MMP19: variants seen among roughly 807,000 people sequenced by gnomAD.
MMP19 encodes matrix metalloproteinase-19.
Under a neutral mutation model 46.6 loss-of-function variants are expected in MMP19, and 47 were observed. The observed-to-expected ratio is 1.01, with a 90% confidence interval of 0.80 to 1.29. The LOEUF is 1.29. Among genes scored for constraint, MMP19 ranks in the 50% most tolerant of loss-of-function variants. The pLI, the probability that MMP19 is intolerant of heterozygous loss-of-function variation, is 0.00. For synonymous variants in MMP19, 222 were observed against 248.5 expected (o/e 0.89, Z 1.00); for missense variants, 589 against 643.5 (o/e 0.92, Z 0.92).
intron 8 of MMP19, 54 bp downstream of exon 8, chr12:55,837,501 T>C: frequency 6.2e-7 from 1 of 1,611,466 alleles, no homozygotes; most frequent in African/African-American, 1.3e-5. Context: ...CTTCTCAGTA[T>C]AAGGTAGCCC....
intron 5 of MMP19, among the ~76,000 whole-genome samples, chr12:55,839,184 G>A (rs977979997): frequency 6.7e-6 from 1 of 149,454 alleles, no homozygotes; most frequent in Non-Finnish European, 1.5e-5. Flanking sequence ...GGAGGTTGCA[G>A]TGAGCCAAGA....
chr12:55,839,376 C>A, intron 5 of MMP19, 120 bp downstream of exon 5: 1 of 1,270,722 alleles, frequency 7.9e-7, no homozygotes, highest in Non-Finnish European at 1.1e-6. Context: ...GCCTGAGTAA[C>A]TGGGCTGGAG....
Position 55,836,787 on chromosome 12 carries a change from AAGTT to A in MMP19, c.*245_*248del. On this transcript the variant is annotated 3_prime_UTR_variant, in exon 9 of 9. Coordinates refer to ENST00000322569, the MANE Select transcript of MMP19 (RefSeq NM_002429.6). Reference sequence around the variant, plus strand: ...GGAAATGGAGTTGGGGGCCAAATCTAAGTTAGGGGATCTGAGTTAGGGGAGCACT... The same window carrying A: ...GGAAATGGAGTTGGGGGCCAAATCTAAGGGGATCTGAGTTAGGGGAGCACT... The A allele has an allele frequency of 2.9e-6, 1 of 346,890 alleles. No individual in the cohort carries two copies. The highest frequency in any genetic ancestry group is 6.7e-5 in the South Asian group (1 of 14,996). The allele number at this position is 346,890 out of a possible 1,614,324, so 21.5% of individuals were successfully genotyped here. A position where few individuals can be genotyped will look rare whatever the true frequency, so the allele number is the denominator to read the frequency against.
In MMP19 at chr12:55,837,863, T is replaced by C; in HGVS notation, c.1040A>G (p.Gln347Arg). The change falls in exon 7 of 9, where the codon CAA becomes CGA. Residue 347 changes from glutamine to arginine, a missense_variant. Physicochemically the swap from Gln to Arg is conservative, Grantham distance 43. Transcript: ENST00000322569. Reference protein sequence around the residue: ...LDAAVYSPRTQWIHFFKGDKV... With the variant: ...LDAAVYSPRTRWIHFFKGDKV... The stretch of plus-strand genomic sequence containing the variant: ...CTTACCCTTAAAGAAGTGAATCCAT[T>C]GTGTTCGAGGCGAGTAGACAGCAGC... 1 of 1,609,102 alleles carries C rather than the reference T, an allele frequency of 6.2e-7. No individual in the cohort carries two copies. The highest frequency in any genetic ancestry group is 8.5e-7 in the Non-Finnish European group (1 of 1,176,098).
chr12:55,842,609 G>T, intron 1 of MMP19, 135 bp downstream of exon 1: 1 of 871,206 alleles, frequency 1.1e-6, no homozygotes, highest in Non-Finnish European at 1.9e-6. Flanking sequence ...CGGGAGATGG[G>T]CAGGGTAGAC....
At position 55,838,754 on chromosome 12, in the gene MMP19, T is replaced by C. The variant is rs1881455477; in HGVS notation, c.767-20A>G. 2 of 1,549,598 alleles carry C rather than the reference T, an allele frequency of 1.3e-6. No individual in the cohort carries two copies. The highest frequency in any genetic ancestry group is 1.7e-6 in the Non-Finnish European group (2 of 1,144,706). On this transcript the variant is annotated intron_variant, in intron 5 of 8. Transcript: ENST00000322569. ...TCTTGCCTATAAGGTAAAGTAATGCTGCTTAGGGAGAGAACTCACAGCACC... is the reference window on the plus strand; with the variant it reads ...TCTTGCCTATAAGGTAAAGTAATGCCGCTTAGGGAGAGAACTCACAGCACC...
chr12:55,836,886 T>G lies in MMP19; in HGVS notation c.*150A>C, dbSNP rs1156584451. 2.6e-5 allele frequency: 18 copies of G among 695,292 alleles called. No individual in the cohort carries two copies. The highest frequency in any genetic ancestry group is 3.8e-5 in the Non-Finnish European group (16 of 422,748). 43.1% of individuals were successfully genotyped at this position (695,292 alleles called of 1,614,324 possible). A position where few individuals can be genotyped will look rare whatever the true frequency, so the allele number is the denominator to read the frequency against. On this transcript the variant is annotated 3_prime_UTR_variant, in exon 9 of 9. Coordinates refer to ENST00000322569, the MANE Select transcript of MMP19 (RefSeq NM_002429.6). ...AGTGTTAGAGGCCTGAGATCTACGG[T>G]CTTGCGCCTGCTACAGCACCTGCAA...
Position 55,841,088 on chromosome 12 carries a change from T to C in MMP19, c.304+18A>G, listed in dbSNP as rs929843307. 1 of 1,606,762 alleles carries C rather than the reference T, an allele frequency of 6.2e-7. No homozygotes were observed. The highest frequency in any genetic ancestry group is 8.5e-7 in the Non-Finnish European group (1 of 1,175,212). ...ATCACCCCCTCCTCTCCCTCTCTTT[T>C]CCAGGCTCTGTTCTCACCCAGCAAC... On this transcript the variant is annotated intron_variant, in intron 3 of 8. Transcript: ENST00000322569.
chr12:55,841,294 A>G lies in MMP19; in HGVS notation c.174-58T>C, dbSNP rs1881678583. 17 of 1,578,566 alleles carry G rather than the reference A, an allele frequency of 1.1e-5. No individual in the cohort carries two copies. The South Asian group carries it at 1.5e-4, about 14-fold the overall frequency. On this transcript the variant is annotated intron_variant, in intron 2 of 8. Coordinates refer to ENST00000322569, the MANE Select transcript of MMP19 (RefSeq NM_002429.6). Reference sequence around the variant, plus strand: ...CAGGAAAATCTGAAATGACTGGGAGATGATTGCTCTTTGACTTCCTGCTGC... The same window carrying G: ...CAGGAAAATCTGAAATGACTGGGAGGTGATTGCTCTTTGACTTCCTGCTGC...
Position 55,841,327 on chromosome 12 carries a change from C to T in MMP19, c.174-91G>A, listed in dbSNP as rs966038974. On this transcript the variant is annotated intron_variant, in intron 2 of 8. Coordinates refer to ENST00000322569, the MANE Select transcript of MMP19 (RefSeq NM_002429.6). ...TCTTTGACTTCCTGCTGCCCAAGTT[C>T]ATGGCCAAGAATAGCACAGAATCCC... 13 of 1,455,148 alleles carry T rather than the reference C, an allele frequency of 8.9e-6. No individual in the cohort carries two copies. In the African/African-American group the frequency reaches 1.7e-4, roughly 19 times the overall value. 90.1% of individuals were successfully genotyped at this position (1,455,148 alleles called of 1,614,324 possible).
At chr12:55,839,986 C>G (rs1881567103) in intron 4 of MMP19, 2 of 543,910 alleles carry the variant, frequency 3.7e-6, no homozygotes, top group African/African-American at 3.8e-5. Flanking sequence ...CTCTCTGGCC[C>G]ATACCTCTAA....
Position 55,837,605 on chromosome 12 carries a change from G to C in MMP19, c.1138C>G (p.Leu380Val), listed in dbSNP as rs149111153. The change falls in exon 8 of 9, where the codon CTG becomes GTG. Residue 380 changes from leucine to valine, a missense_variant. Physicochemically the swap from Leu to Val is conservative, Grantham distance 32 (BLOSUM62 1). Coordinates refer to ENST00000322569, the MANE Select transcript of MMP19 (RefSeq NM_002429.6). ...PKKLNRVEPN[L>V]DAALYWPLNQ... ...AGAGGCCAATAGAGAGCTGCATCCA[G>C]GTTAGGTTCTACCCTATTCAGCTTC... is the stretch of plus-strand genomic sequence containing the variant. The C allele has an allele frequency of 4.1e-5, 66 of 1,614,220 alleles. 1 individual carries two copies. The African/African-American group carries it at 7.7e-4, about 19-fold the overall frequency.
At chr12:55,837,733 T>C (rs1881349882) in intron 7 of MMP19, 51 bp from the exon 8 acceptor site, 1 of 1,611,840 alleles carries the variant, frequency 6.2e-7, no homozygotes, top group African/African-American at 1.3e-5. Flanking sequence ...AGGTGATAGC[T>C]TTTGGTCTCC....
intron 2 of MMP19, 85 bp from the exon 3 acceptor site, chr12:55,841,321 C>A (rs1018026510): frequency 7.4e-6 from 11 of 1,495,202 alleles, no homozygotes; most frequent in Non-Finnish European, 9.2e-6. Context: ...TCCTGCTGCC[C>A]AAGTTCATGG....
Position 55,837,325 on chromosome 12 carries a change from C to T in MMP19, c.1238G>A (p.Ser413Asn). The T allele has an allele frequency of 6.2e-7, 1 of 1,611,054 alleles. No individual in the cohort carries two copies. The highest frequency in any genetic ancestry group is 1.1e-5 in the South Asian group (1 of 91,016). ...CAAACCCTTGATTGGTTTGGGGTAG[C>T]TGCTGAAGTCAGTTCGGGCTAGCTC... Reference protein sequence around the residue: ...WDELARTDFSSYPKPIKGLFT... With the variant: ...WDELARTDFSNYPKPIKGLFT... Residue 413 changes from serine (S) to asparagine (N), a missense_variant, in exon 9 of 9, where the codon AGC becomes AAC. Coordinates refer to ENST00000322569, the MANE Select transcript of MMP19 (RefSeq NM_002429.6).
At position 55,838,603 on chromosome 12, in the gene MMP19, C is replaced by T. The variant is rs1271661942; in HGVS notation, c.895+3G>A. On this transcript the variant is annotated splice_donor_region_variant and intron_variant, in intron 6 of 8. Coordinates refer to ENST00000322569, the MANE Select transcript of MMP19 (RefSeq NM_002429.6). The stretch of plus-strand genomic sequence containing the variant: ...CCAACAGCCTGGAGGGGAGGGGCCT[C>T]ACCCAGCATCATGGCATCCAGTTCA... 6.2e-7 allele frequency: 1 copy of T among 1,614,220 alleles called. No homozygotes were observed. Among genetic ancestry groups the T allele is most frequent in the South Asian group, 1.1e-5 (1 of 91,086 alleles).
In MMP19 at chr12:55,841,326, T is replaced by C. The variant is rs1214100466; in HGVS notation, c.174-90A>G. The C allele has an allele frequency of 6.8e-6, 10 of 1,466,510 alleles. No homozygotes were observed. The East Asian group carries it at 2.3e-4, about 34-fold the overall frequency. 90.8% of individuals were successfully genotyped at this position (1,466,510 alleles called of 1,614,324 possible). On this transcript the variant is annotated intron_variant, in intron 2 of 8. Transcript: ENST00000322569. ...CTCTTTGACTTCCTGCTGCCCAAGT[T>C]CATGGCCAAGAATAGCACAGAATCC...
In MMP19 at chr12:55,838,683, G is replaced by A. The variant is rs760085316; in HGVS notation, c.818C>T (p.Pro273Leu). Residue 273 changes from proline (P) to leucine (L), a missense_variant, in exon 6 of 9, where the codon CCC (proline) becomes CTC (leucine). Transcript: ENST00000322569. ...TTCTGTGGGCACTGGGGGCACAGTGGGCAGCTCTGTCTCTTCTTCTTCCTC... is the reference window on the plus strand; with the variant it reads ...TTCTGTGGGCACTGGGGGCACAGTGAGCAGCTCTGTCTCTTCTTCTTCCTC... ...RDEEEEETEL[P>L]TVPPVPTEPS... 2 of 1,612,902 alleles carry A rather than the reference G, an allele frequency of 1.2e-6. No homozygotes were observed. Among genetic ancestry groups the A allele is most frequent in the African/African-American group, 2.7e-5 (2 of 74,876 alleles).
At chr12:55,842,704 G>A (rs1213844136) in intron 1 of MMP19, 40 bp downstream of exon 1, 1 of 1,515,100 alleles carries the variant, frequency 6.6e-7, no homozygotes, top group Admixed American at 1.9e-5. Flanking sequence ...AGTAACCCCT[G>A]TCCCTCCGCT....
Sources: allele counts gnomAD v4.1 joint callset (sites outside exome capture counted in the v4.1 genomes callset), GRCh38; gene constraint gnomAD v4.1.1; transcripts MANE v1.5; gene names NCBI Gene and HGNC (gene_info 2026-07-23, HGNC 2026-07-21).